Variants in MAF observed in about 807,000 individuals in gnomAD.
MAF encodes the protein MAF bZIP transcription factor, also known as transcription factor Maf.
Under a neutral mutation model 22.0 loss-of-function variants are expected in MAF, and 10 were observed. The observed-to-expected ratio is 0.45, with a 90% confidence interval of 0.28 to 0.77. The LOEUF is 0.77. MAF is among the 30% of genes least tolerant of loss of function. MAF has a pLI of 0.12. For synonymous variants in MAF, 337 were observed against 255.8 expected (o/e 1.32, Z -3.03); for missense variants, 544 against 548.4 (o/e 0.99, Z 0.08).
chr16:79,511,478 T>G, the MAF span, among the ~76,000 whole-genome samples: 1 of 152,146 alleles, frequency 6.6e-6, no homozygotes, highest in Non-Finnish European at 1.5e-5. Context: ...TTTTATCATC[T>G]TAACTGACAA....
the MAF span, chr16:79,516,161 A>T: frequency 6.6e-6 from 1 of 152,156 alleles, no homozygotes; most frequent in African/African-American, 2.4e-5. Context: ...GCATAGAAGT[A>T]AGACCCTCGA....
At chr16:79,462,711 A>C in the MAF span, among the ~76,000 whole-genome samples, 1 of 152,128 alleles carries the variant, frequency 6.6e-6, no homozygotes, top group South Asian at 2.1e-4. Context: ...TTAACATTTC[A>C]TTTCCTCTTG....
the MAF span, among the ~76,000 whole-genome samples, chr16:79,490,966 A>T: frequency 6.6e-6 from 1 of 152,226 alleles, no homozygotes; most frequent in Admixed American, 6.5e-5. Flanking sequence ...TGTGATAACC[A>T]AGGGAACCAC....
At chr16:79,497,406 T>C in the MAF span, among the ~76,000 whole-genome samples, 2 of 152,188 alleles carry the variant, frequency 1.3e-5, no homozygotes, top group South Asian at 2.1e-4. Flanking sequence ...CCTCTGCCCC[T>C]GTTAGCTGTG....
the MAF span, among the ~76,000 whole-genome samples, chr16:79,366,750 G>A: frequency 2.0e-5 from 3 of 152,134 alleles, no homozygotes; most frequent in Non-Finnish European, 2.9e-5. Context: ...GAAACGTATG[G>A]TGCTAGAGAC....
the MAF span, among the ~76,000 whole-genome samples, chr16:79,530,267 G>C: frequency 1.3e-5 from 2 of 152,106 alleles, no homozygotes; most frequent in African/African-American, 4.8e-5. Context: ...CAGACTACTG[G>C]GTTTTCCGTG....
downstream of MAF, among the ~76,000 whole-genome samples, chr16:79,592,641 T>A (rs1049411867): frequency 3.3e-5 from 5 of 152,148 alleles, no homozygotes; most frequent in East Asian, 9.7e-4. Context: ...GGGCTAAGAG[T>A]GAAACAAACT....
chr16:79,460,398 A>T, the MAF span, among the ~76,000 whole-genome samples: 1 of 152,178 alleles, frequency 6.6e-6, no homozygotes, highest in East Asian at 1.9e-4. Context: ...CTCTTTTCCA[A>T]CCTAATTTGA....
chr16:79,536,788 G>C, the MAF span, among the ~76,000 whole-genome samples: 50 of 152,264 alleles, frequency 3.3e-4, no homozygotes, highest in African/African-American at 8.7e-4. Context: ...CATTGTATTA[G>C]TTATTATAAG....
the MAF span, among the ~76,000 whole-genome samples, chr16:79,499,268 T>C: frequency 1.3e-5 from 2 of 152,124 alleles, no homozygotes; most frequent in African/African-American, 4.8e-5. Context: ...TTGGATCTGT[T>C]CCTTTTGGGT....
At chr16:79,422,586 G>C in the MAF span, among the ~76,000 whole-genome samples, 1 of 152,098 alleles carries the variant, frequency 6.6e-6, no homozygotes. Flanking sequence ...TTAGCAGAGA[G>C]TAAGCAGCTG....
At chr16:79,239,030 A>T in the MAF span, among the ~76,000 whole-genome samples, 1 of 151,616 alleles carries the variant, frequency 6.6e-6, no homozygotes, top group African/African-American at 2.4e-5. Flanking sequence ...AGGTCTAAAC[A>T]CCTCTCTAGA....
At chr16:79,218,663 A>C in the MAF span, among the ~76,000 whole-genome samples, 2 of 152,226 alleles carry the variant, frequency 1.3e-5, no homozygotes, top group Non-Finnish European at 2.9e-5. Flanking sequence ...GGTATTCCCA[A>C]GCAGCCAGCC....
the MAF span, among the ~76,000 whole-genome samples, chr16:79,484,149 T>C: frequency 6.6e-6 from 1 of 152,080 alleles, no homozygotes; most frequent in African/African-American, 2.4e-5. Context: ...AGACAATAAG[T>C]CTTGCACAGA....
At chr16:79,260,231 G>T in the MAF span, among the ~76,000 whole-genome samples, 1 of 152,112 alleles carries the variant, frequency 6.6e-6, no homozygotes, top group African/African-American at 2.4e-5. Flanking sequence ...GCTTACTGAA[G>T]CCTCAAACTC....
At chr16:79,359,084 C>T in the MAF span, among the ~76,000 whole-genome samples, 280 of 152,308 alleles carry the variant, frequency 1.8e-3, 2 homozygotes, top group African/African-American at 6.4e-3. Flanking sequence ...CACAGGCATC[C>T]CCGGAAGCTG....
chr16:79,280,318 T>G, the MAF span, among the ~76,000 whole-genome samples: 1 of 152,248 alleles, frequency 6.6e-6, no homozygotes, highest in East Asian at 1.9e-4. Context: ...TTGTGGGGAC[T>G]GGATCAAGAG....
the MAF span, among the ~76,000 whole-genome samples, chr16:79,432,366 C>T: frequency 1.3e-5 from 2 of 152,148 alleles, no homozygotes; most frequent in Non-Finnish European, 2.9e-5. Flanking sequence ...TGAGAATGTA[C>T]TAATACACCC....
At chr16:79,306,131 G>T in the MAF span, among the ~76,000 whole-genome samples, 2 of 152,148 alleles carry the variant, frequency 1.3e-5, no homozygotes, top group Non-Finnish European at 1.5e-5. Flanking sequence ...TATTGGAAAG[G>T]GAGTCTCTGC....
Sources: gnomAD v4.1 joint callset for allele counts (sites outside exome capture counted in the v4.1 genomes callset) on GRCh38, gnomAD v4.1.1 for gene constraint, MANE v1.5 for transcripts, NCBI Gene and HGNC (gene_info 2026-07-23, HGNC 2026-07-21) for gene names.